The following PDE11A variants were observed in gnomAD, a reference collection of about 807,000 sequenced individuals.
PDE11A encodes the protein phosphodiesterase 11A.
In PDE11A, 100 loss-of-function variants were observed where a neutral mutation model predicts 100.5. The ratio of observed to expected loss-of-function variants is 1.00; its 90% CI spans 0.85 to 1.18. The LOEUF (loss-of-function observed/expected upper bound fraction) is 1.18, where lower values mean the gene tolerates loss of function less well. PDE11A is among the 50% of genes most tolerant of loss of function. PDE11A has a pLI of 0.00. For missense variants in PDE11A, 1,141 were observed against 1,152.6 expected (o/e 0.99, Z 0.15); for synonymous variants, 381 against 420.8 (o/e 0.91, Z 1.16).
chr2:177,637,998 T>TATATATATATATATA (rs1491152209), intron 19 of PDE11A, among the ~76,000 whole-genome samples: 77 of 22,160 alleles, frequency 3.5e-3, no homozygotes, highest in African/African-American at 8.1e-3. Flanking sequence ...TATATATATA[T>TATATATATATATATA]TTTTTTTTTT....
intron 1 of PDE11A, among the ~76,000 whole-genome samples, chr2:178,047,040 AT>A (rs200317102): frequency 0.011 from 1,562 of 143,678 alleles, 5 homozygotes; most frequent in Middle Eastern, 0.026. Context: ...ACTTTCTGGG[AT>A]TTTTTTTTTT....
chr2:178,041,157 C>T (rs577436549), intron 1 of PDE11A, among the ~76,000 whole-genome samples: 1 of 152,092 alleles, frequency 6.6e-6, no homozygotes, highest in Non-Finnish European at 1.5e-5. Context: ...CCAGGCTGGT[C>T]TCGAATTGCT....
chr2:177,643,806 C>T (rs1395748043), intron 19 of PDE11A, among the ~76,000 whole-genome samples: 1 of 152,166 alleles, frequency 6.6e-6, no homozygotes, highest in African/African-American at 2.4e-5. Context: ...CTGCTGTGTG[C>T]AGTCTAGGAC....
rs182513492 is a variant in PDE11A, at chr2:177,980,905, G to A, written c.1071+33397C>T. Among the ~76,000 whole-genome samples the A allele has an allele frequency of 2.7e-5, 4 of 149,244 alleles. No homozygotes were observed. In the East Asian group the frequency reaches 7.8e-4, roughly 29 times the overall value. On this transcript the variant is annotated intron_variant, in intron 2 of 19. Transcript: ENST00000286063. ...TTCAAGAGCAATTCTTTAAATAGAG[G>A]TGGGTGGTTCTCAATGAGACATGAG...
rs531809011 is a variant in PDE11A, at chr2:177,786,575, C to T, written c.1738-17202G>A. Among the ~76,000 whole-genome samples, 95 of 152,174 alleles carry T rather than the reference C, an allele frequency of 6.2e-4. No individual in the cohort carries two copies. In the East Asian group the frequency reaches 0.017, roughly 27 times the overall value. On this transcript the variant is annotated intron_variant, in intron 9 of 19. Transcript: ENST00000286063. Reference sequence around the variant, plus strand: ...CGAGTTGAGAGAAGAAGGCTTCAGACGATCAAATTACTCTGAGCTACAGGA... The same window carrying T: ...CGAGTTGAGAGAAGAAGGCTTCAGATGATCAAATTACTCTGAGCTACAGGA...
chr2:177,998,225 G>A, intron 2 of PDE11A: 1 of 825,068 alleles, frequency 1.2e-6, no homozygotes, highest in East Asian at 2.4e-5. Context: ...CATCTTCTAG[G>A]ACGTGTTTGG....
chr2:178,055,618 G>C (rs1400559418), intron 1 of PDE11A, among the ~76,000 whole-genome samples: 1 of 152,060 alleles, frequency 6.6e-6, no homozygotes, highest in Non-Finnish European at 1.5e-5. Flanking sequence ...TCTACAAAGA[G>C]AAAATTAATA....
rs2079886086 is a variant in PDE11A at position 177,629,537 on chromosome 2, A to G, written c.2672T>C (p.Leu891Pro). 1.2e-6 allele frequency: 2 copies of G among 1,614,166 alleles called. No homozygotes were observed. The highest frequency in any genetic ancestry group is 1.7e-6 in the Non-Finnish European group (2 of 1,180,008). ...AGCTACTGAATCTAGCATCGGCTTC[A>G]GTTTCACGTTGACCTTCACCAGTGC... ...YQALVKVNVK[L>P]KPMLDSVATN... is the part of the protein sequence containing the mutation. The change falls in exon 20 of 20, where the codon CTG becomes CCG. Residue 891 changes from leucine (L) to proline (P), a missense_variant. By Grantham distance (98) the Leu-to-Pro change is moderately conservative. Coordinates refer to ENST00000286063, the MANE Select transcript of PDE11A (RefSeq NM_016953.4).
At chr2:177,814,949 C>T (rs1946814) in intron 9 of PDE11A, among the ~76,000 whole-genome samples, 63,632 of 151,988 alleles carry the variant, frequency 0.42, 15,202 homozygotes, top group African/African-American at 0.66. Context: ...CTCAAGAGGA[C>T]GACGATGTGC....
chr2:177,795,455 G>T (rs6737872), intron 9 of PDE11A, among the ~76,000 whole-genome samples: 1 of 151,700 alleles, frequency 6.6e-6, no homozygotes, highest in Admixed American at 6.6e-5. Flanking sequence ...TTGATTACCC[G>T]CTTCGGCTTA....
At chr2:177,988,715 T>G (rs1394566137) in intron 2 of PDE11A, among the ~76,000 whole-genome samples, 2 of 152,238 alleles carry the variant, frequency 1.3e-5, no homozygotes, top group African/African-American at 4.8e-5. Context: ...TCATCTTCTC[T>G]TCACTGTCTG....
At chr2:177,723,614 T>C (rs374535806) in intron 12 of PDE11A, among the ~76,000 whole-genome samples, 1 of 152,190 alleles carries the variant, frequency 6.6e-6, no homozygotes, top group Non-Finnish European at 1.5e-5. Context: ...TAGCTTTTTT[T>C]AACTGGACAC....
chr2:177,805,085 TAA>T (rs59221239), intron 9 of PDE11A, among the ~76,000 whole-genome samples: 44,112 of 147,528 alleles, frequency 0.3, 7,303 homozygotes, highest in African/African-American at 0.46. Flanking sequence ...ATTTTTTAAT[TAA>T]AAAATATATA....
In PDE11A at chr2:177,629,560, T is replaced by G. The variant is rs765197897; in HGVS notation, c.2649A>C (p.Ala883=). ...IDSICMPLYQ[A]LVKVNVKLKP... ...TCAGTTTCACGTTGACCTTCACCAGTGCCTAAAACAAAACAAAACAAAACA... is the reference window on the plus strand; with the variant it reads ...TCAGTTTCACGTTGACCTTCACCAGGGCCTAAAACAAAACAAAACAAAACA... Residue 883 remains alanine (A), a splice_region_variant and synonymous_variant, in exon 20 of 20, where the codon GCA becomes GCC. Transcript: ENST00000286063. The G allele has an allele frequency of 6.2e-7, 1 of 1,613,782 alleles. No homozygotes were observed.
intron 10 of PDE11A, among the ~76,000 whole-genome samples, chr2:177,739,095 G>A (rs1261841628): frequency 6.6e-6 from 1 of 152,218 alleles, no homozygotes; most frequent in Admixed American, 6.5e-5. Flanking sequence ...ACAGCAAGGG[G>A]CATCAAGCCT....
intron 10 of PDE11A, among the ~76,000 whole-genome samples, chr2:177,750,939 C>G (rs2082017282): frequency 6.6e-6 from 1 of 152,108 alleles, no homozygotes. Flanking sequence ...AAAAGTATAT[C>G]AATTCTGGCC....
At chr2:177,650,871 G>A (rs1015222246) in intron 19 of PDE11A, among the ~76,000 whole-genome samples, 1 of 152,108 alleles carries the variant, frequency 6.6e-6, no homozygotes, top group African/African-American at 2.4e-5. Flanking sequence ...TATAAAAATA[G>A]CATGTTTCTT....
chr2:177,998,740 A>G (rs2086108045), intron 2 of PDE11A: 3 of 885,828 alleles, frequency 3.4e-6, no homozygotes, highest in South Asian at 2.9e-5. Context: ...ATGATGCCAT[A>G]GTTGCCGTAA....
chr2:178,022,173 A>T (rs1311726301), intron 1 of PDE11A, among the ~76,000 whole-genome samples: 3 of 152,152 alleles, frequency 2.0e-5, no homozygotes, highest in Non-Finnish European at 4.4e-5. Flanking sequence ...TAGTGGTAGT[A>T]GGAGTGGTGG....
Sources: allele counts gnomAD v4.1 joint callset (sites outside exome capture counted in the v4.1 genomes callset), GRCh38; gene constraint gnomAD v4.1.1; transcripts MANE v1.5; gene names NCBI Gene and HGNC (gene_info 2026-07-23, HGNC 2026-07-21).